The following PDZRN3 variants were observed in gnomAD, a reference collection of about 807,000 sequenced individuals.
PDZRN3 encodes the protein E3 ubiquitin-protein ligase PDZRN3.
PDZRN3 carries 38 observed loss-of-function variants against 85.7 expected under a neutral mutation model. That is an observed-to-expected ratio of 0.44 (90% confidence interval 0.34 to 0.58). The LOEUF is 0.58. Among genes scored for constraint, PDZRN3 ranks in the 20% least tolerant of loss-of-function variants. The probability of loss-of-function intolerance (pLI) is 0.01; values close to 1 mark genes in which losing one functional copy is unlikely to be tolerated. For synonymous variants in PDZRN3, 759 were observed against 638.0 expected (o/e 1.19, Z -2.86); for missense variants, 1,629 against 1,506.4 (o/e 1.08, Z -1.35).
chr3:73,532,817 T>TA lies in PDZRN3; in HGVS notation c.918+69536dup, dbSNP rs1460590491. ...GGCACATATTGCCATGGCTGTTGTT[T>TA]AGAGGGTCAATGGTCTATTGTGGTA... On this transcript the variant is annotated intron_variant, in intron 3 of 9. Coordinates refer to ENST00000263666, the MANE Select transcript of PDZRN3 (RefSeq NM_015009.3). Among the ~76,000 whole-genome samples, 4 of 152,312 alleles carry TA rather than the reference T, an allele frequency of 2.6e-5. No homozygotes were observed. The East Asian group carries it at 7.7e-4, about 29-fold the overall frequency.
chr3:73,555,434 T>C (rs895917685), intron 3 of PDZRN3, among the ~76,000 whole-genome samples: 3 of 152,228 alleles, frequency 2.0e-5, no homozygotes, highest in Admixed American at 1.3e-4. Flanking sequence ...TTTGCAGAGA[T>C]TCCTGCAGTC....
chr3:73,493,441 T>G (rs1251453766), intron 3 of PDZRN3, among the ~76,000 whole-genome samples: 6 of 152,064 alleles, frequency 3.9e-5, no homozygotes, highest in African/African-American at 1.5e-4. Flanking sequence ...CAAACCTGGG[T>G]GACTGAGCGC....
At chr3:73,587,266 T>C (rs1702291354) in intron 3 of PDZRN3, among the ~76,000 whole-genome samples, 3 of 152,224 alleles carry the variant, frequency 2.0e-5, no homozygotes, top group Admixed American at 2.0e-4. Flanking sequence ...ATATCTCGCA[T>C]GAAACTTTTT....
At chr3:73,531,940 A>T (rs1704666589) in intron 3 of PDZRN3, among the ~76,000 whole-genome samples, 1 of 152,230 alleles carries the variant, frequency 6.6e-6, no homozygotes, top group South Asian at 2.1e-4. Flanking sequence ...TGTTGTATAA[A>T]ATAATGCCAA....
intron 3 of PDZRN3, among the ~76,000 whole-genome samples, chr3:73,535,831 A>G (rs1357462475): frequency 1.3e-5 from 2 of 152,240 alleles, no homozygotes; most frequent in East Asian, 3.8e-4. Context: ...ACCCACATGC[A>G]TGGCATATTG....
intron 3 of PDZRN3, among the ~76,000 whole-genome samples, chr3:73,524,458 C>T (rs1297468937): frequency 6.6e-6 from 1 of 152,186 alleles, no homozygotes; most frequent in Non-Finnish European, 1.5e-5. Context: ...TCGGAAAAAA[C>T]AGTGAACTCT....
At chr3:73,617,709 A>T (rs1702785325) in intron 1 of PDZRN3, among the ~76,000 whole-genome samples, 1 of 148,048 alleles carries the variant, frequency 6.8e-6, no homozygotes, top group South Asian at 2.1e-4. Context: ...GTCTAAATCT[A>T]TTTTTTTTTT....
At chr3:73,579,244 T>TA (rs1236314755) in intron 3 of PDZRN3, among the ~76,000 whole-genome samples, 1 of 152,190 alleles carries the variant, frequency 6.6e-6, no homozygotes, top group Non-Finnish European at 1.5e-5. Flanking sequence ...CAGCCTTTAC[T>TA]AAACAATGAA....
At chr3:73,530,570 A>G (rs1356459797) in intron 3 of PDZRN3, among the ~76,000 whole-genome samples, 2 of 152,326 alleles carry the variant, frequency 1.3e-5, no homozygotes, top group East Asian at 3.9e-4. Context: ...GGTCAAATAT[A>G]AGAACAAAAC....
chr3:73,504,100 G>A (rs1306782296), intron 3 of PDZRN3, among the ~76,000 whole-genome samples: 1 of 152,158 alleles, frequency 6.6e-6, no homozygotes, highest in African/African-American at 2.4e-5. Context: ...TTACACTGCT[G>A]TGTATGTGTG....
At chr3:73,433,807 A>G in intron 3 of PDZRN3, 2 of 1,481,002 alleles carry the variant, frequency 1.4e-6, no homozygotes. Context: ...GGAGAGCCTC[A>G]GGTGAGTCAA....
chr3:73,408,083 A>G (rs1398524374), intron 3 of PDZRN3: 2 of 690,942 alleles, frequency 2.9e-6, no homozygotes, highest in Admixed American at 4.2e-5. Flanking sequence ...TTAGTAGCCC[A>G]TGCAGTTTTC....
chr3:73,615,282 T>C (rs1397481595), intron 1 of PDZRN3, among the ~76,000 whole-genome samples: 2 of 152,230 alleles, frequency 1.3e-5, no homozygotes, highest in African/African-American at 4.8e-5. Context: ...TTCCACGAGC[T>C]TGATTTCAAA....
chr3:73,532,601 G>C (rs556644354), intron 3 of PDZRN3, among the ~76,000 whole-genome samples: 1 of 152,232 alleles, frequency 6.6e-6, no homozygotes, highest in Non-Finnish European at 1.5e-5. Context: ...CCTTGTCTAA[G>C]TTTTCACAGG....
intron 3 of PDZRN3, among the ~76,000 whole-genome samples, chr3:73,565,676 G>A (rs968714495): frequency 1.3e-5 from 2 of 151,862 alleles, no homozygotes; most frequent in South Asian, 2.1e-4. Context: ...GGTGACTCAC[G>A]CCTGTAATCC....
intron 3 of PDZRN3, among the ~76,000 whole-genome samples, chr3:73,413,848 G>A (rs1298924832): frequency 1.3e-5 from 2 of 152,132 alleles, no homozygotes; most frequent in South Asian, 2.1e-4. Context: ...GCAAGGGCAC[G>A]TGCGCTTTAC....
intron 3 of PDZRN3, among the ~76,000 whole-genome samples, chr3:73,539,640 A>C (rs1704868271): frequency 6.6e-6 from 1 of 152,108 alleles, no homozygotes; most frequent in Non-Finnish European, 1.5e-5. Flanking sequence ...CAACTGCAAG[A>C]TGAACAATCC....
At chr3:73,438,043 A>C (rs1702563794) in intron 3 of PDZRN3, among the ~76,000 whole-genome samples, 1 of 152,244 alleles carries the variant, frequency 6.6e-6, no homozygotes, top group African/African-American at 2.4e-5. Context: ...CGTCTTTTTC[A>C]AGTTAGTAAT....
Position 73,592,981 on chromosome 3 carries a change from C to A in PDZRN3, c.918+9373G>T, listed in dbSNP as rs1410890256. Among the ~76,000 whole-genome samples, 3 of 152,086 alleles carry A rather than the reference C, an allele frequency of 2.0e-5. No homozygotes were observed. In the East Asian group the frequency reaches 5.8e-4, roughly 29 times the overall value. On this transcript the variant is annotated intron_variant, in intron 3 of 9. Coordinates refer to ENST00000263666, the MANE Select transcript of PDZRN3 (RefSeq NM_015009.3). ...CTAGCGCTCGCTCATGTTACATATA[C>A]TTCACAGATTAGCATTTAAGTCAGC...
Sources: allele counts gnomAD v4.1 joint callset (sites outside exome capture counted in the v4.1 genomes callset), GRCh38; gene constraint gnomAD v4.1.1; transcripts MANE v1.5; gene names NCBI Gene and HGNC (gene_info 2026-07-23, HGNC 2026-07-21).